The following CNBD1 variants were observed in gnomAD, a reference collection of about 807,000 sequenced individuals.
The protein encoded by CNBD1 is cyclic nucleotide-binding domain-containing protein 1.
A neutral mutation model predicts 54.4 loss-of-function variants in CNBD1; 71 were observed. The ratio of observed to expected loss-of-function variants is 1.30; its 90% CI spans 1.08 to 1.59. CNBD1 has a LOEUF of 1.59. CNBD1 is among the 40% of genes most tolerant of loss of function. The pLI, the probability that CNBD1 is intolerant of heterozygous loss-of-function variation, is 0.00. For missense variants in CNBD1, 659 were observed against 518.0 expected (o/e 1.27, Z -2.64); for synonymous variants, 182 against 170.7 (o/e 1.07, Z -0.51).
intron 8 of CNBD1, among the ~76,000 whole-genome samples, chr8:87,298,675 A>G (rs4298503): frequency 0.57 from 85,841 of 151,330 alleles, 25,854 homozygotes; most frequent in African/African-American, 0.77. Context: ...TAGTAGAGAT[A>G]GGGTTTCACC....
chr8:87,219,562 C>T (rs918561519), intron 5 of CNBD1, among the ~76,000 whole-genome samples: 3 of 151,794 alleles, frequency 2.0e-5, no homozygotes, highest in African/African-American at 7.3e-5. Context: ...ATATATATAG[C>T]CAGAATACTC....
intron 2 of CNBD1, among the ~76,000 whole-genome samples, chr8:87,395,208 A>G (rs1460038022): frequency 1.3e-5 from 2 of 151,882 alleles, no homozygotes; most frequent in Admixed American, 1.3e-4. Context: ...TGCGTTATGT[A>G]TTTTAAAGTT....
chr8:87,116,195 C>CTTTTTTTTTTTTTTTTTTTT (rs71556428), intron 4 of CNBD1, among the ~76,000 whole-genome samples: 1 of 74,528 alleles, frequency 1.3e-5, no homozygotes, highest in African/African-American at 5.7e-5. Flanking sequence ...ATTCTCATGT[C>CTTTTTTTTTTTTTTTTTTTT]TTTTTTTTTT....
intron 4 of CNBD1, among the ~76,000 whole-genome samples, chr8:86,977,968 G>A (rs1808380370): frequency 6.6e-6 from 1 of 152,028 alleles, no homozygotes; most frequent in African/African-American, 2.4e-5. Context: ...GATGAACATA[G>A]GTGCAAAAAT....
intron 6 of CNBD1, among the ~76,000 whole-genome samples, chr8:87,266,761 C>G (rs765722916): frequency 6.6e-6 from 1 of 151,914 alleles, no homozygotes; most frequent in Non-Finnish European, 1.5e-5. Flanking sequence ...CACAAAAGAA[C>G]TCGATGTAGA....
intron 3 of CNBD1, 35 bp downstream of exon 3, chr8:86,905,229 G>A (rs1272746227): frequency 1.7e-6 from 2 of 1,206,150 alleles, no homozygotes; most frequent in South Asian, 2.5e-5. Context: ...AAGGTTGATG[G>A]GTGTGTATGA....
At chr8:86,967,481 G>A (rs766844399) in intron 4 of CNBD1, among the ~76,000 whole-genome samples, 2 of 152,242 alleles carry the variant, frequency 1.3e-5, no homozygotes, top group South Asian at 2.1e-4. Context: ...GCTTCATGGA[G>A]TGTGCAGCAC....
chr8:87,072,252 C>G (rs1304640966), intron 4 of CNBD1, among the ~76,000 whole-genome samples: 1 of 152,012 alleles, frequency 6.6e-6, no homozygotes, highest in African/African-American at 2.4e-5. Flanking sequence ...TGTGTCTTGG[C>G]TCTTCATCCA....
At chr8:87,042,839 A>G (rs1810102021) in intron 4 of CNBD1, among the ~76,000 whole-genome samples, 1 of 152,110 alleles carries the variant, frequency 6.6e-6, no homozygotes. Flanking sequence ...ATTTTTATAA[A>G]TTCCTCTAAA....
intron 4 of CNBD1, among the ~76,000 whole-genome samples, chr8:87,041,019 A>T (rs981546797): frequency 6.6e-6 from 1 of 152,112 alleles, no homozygotes; most frequent in Non-Finnish European, 1.5e-5. Context: ...AAAAATGATT[A>T]TATTAGTCTG....
chr8:87,187,130 CA>C (rs34169601), intron 4 of CNBD1, among the ~76,000 whole-genome samples: 56,755 of 151,698 alleles, frequency 0.37, 12,182 homozygotes, highest in Non-Finnish European at 0.48. Flanking sequence ...AATCAATCTC[CA>C]AAAAGGCAAC....
chr8:86,942,417 C>A (rs549055103), intron 4 of CNBD1, among the ~76,000 whole-genome samples: 26 of 152,260 alleles, frequency 1.7e-4, no homozygotes, highest in African/African-American at 5.5e-4. Context: ...GGGCTGTGAC[C>A]ATTTCTGGAG....
chr8:87,349,667 G>A (rs10109222), intron 8 of CNBD1, among the ~76,000 whole-genome samples: 42,863 of 152,094 alleles, frequency 0.28, 6,740 homozygotes, highest in Middle Eastern at 0.41. Context: ...GAGCCACCGC[G>A]CCTGACCAGA....
At chr8:87,295,403 GT>G (rs1808860167) in intron 8 of CNBD1, among the ~76,000 whole-genome samples, 1 of 151,474 alleles carries the variant, frequency 6.6e-6, no homozygotes, top group African/African-American at 2.4e-5. Flanking sequence ...GTTATGTAAA[GT>G]TAAAGTACTG....
At chr8:87,319,268 T>C (rs1809468737) in intron 8 of CNBD1, among the ~76,000 whole-genome samples, 1 of 152,212 alleles carries the variant, frequency 6.6e-6, no homozygotes, top group Admixed American at 6.6e-5. Flanking sequence ...AATTCAATGC[T>C]TGATGTGGAA....
chr8:87,015,323 CA>C (rs1809331742), intron 4 of CNBD1, among the ~76,000 whole-genome samples: 1 of 152,012 alleles, frequency 6.6e-6, no homozygotes, highest in East Asian at 1.9e-4. Flanking sequence ...GCTGGTACTA[CA>C]GGCACCTGCT....
intron 4 of CNBD1, among the ~76,000 whole-genome samples, chr8:87,080,243 T>C (rs181030366): frequency 6.6e-6 from 1 of 152,310 alleles, no homozygotes; most frequent in East Asian, 1.9e-4. Flanking sequence ...ACCTTTGTTC[T>C]TTTTCAAAAT....
intron 4 of CNBD1, among the ~76,000 whole-genome samples, chr8:87,096,250 T>C (rs1462564527): frequency 6.6e-5 from 10 of 152,194 alleles, no homozygotes; most frequent in Admixed American, 6.5e-4. Context: ...ATGTGCCATC[T>C]GACTAGATGA....
rs530493705 is a variant in CNBD1 at position 87,277,282 on chromosome 8, G to A, written c.772-7396G>A. 7.9e-5 allele frequency among the ~76,000 whole-genome samples: 12 copies of A among 151,794 alleles called. No homozygotes were observed. The East Asian group carries it at 2.1e-3, about 27-fold the overall frequency. On this transcript the variant is annotated intron_variant, in intron 6 of 10. Coordinates refer to ENST00000518476, the MANE Select transcript of CNBD1 (RefSeq NM_173538.3). ...GAGGATAATTCTGTCTTATTCAGGG[G>A]AAGGTCAGCCTTTTATGCTATACAG... is the stretch of plus-strand genomic sequence containing the variant.
Sources: allele counts gnomAD v4.1 joint callset (sites outside exome capture counted in the v4.1 genomes callset), GRCh38; gene constraint gnomAD v4.1.1; transcripts MANE v1.5; gene names NCBI Gene and HGNC (gene_info 2026-07-23, HGNC 2026-07-21).